MMP8: variants seen among roughly 807,000 people sequenced by gnomAD.
MMP8 encodes the protein matrix metallopeptidase 8.
A neutral mutation model predicts 51.2 loss-of-function variants in MMP8; 67 were observed. The ratio of observed to expected loss-of-function variants is 1.31; its 90% CI spans 1.08 to 1.60. The LOEUF is 1.60. Among genes scored for constraint, MMP8 ranks in the 40% most tolerant of loss-of-function variants. The pLI, the probability that MMP8 is intolerant of heterozygous loss-of-function variation, is 0.00. For synonymous variants in MMP8, 225 were observed against 191.0 expected, an observed-to-expected ratio of 1.18 and a Z score of -1.47; for missense variants, 654 against 558.1, an observed-to-expected ratio of 1.17 and a Z score of -1.73.
chr11:102,713,232 T>A lies in MMP8; in HGVS notation c.*116A>T, dbSNP rs1861176653. 2.9e-6 allele frequency: 2 copies of A among 695,156 alleles called. No homozygotes were observed. The highest frequency in any genetic ancestry group is 1.7e-5 in the South Asian group (1 of 57,632). The allele number at this position is 695,156 out of a possible 1,614,324, so 43.1% of individuals were successfully genotyped here. ...AGGACAGGTAGAATGGATACAGTGA[T>A]GGGAAACAATGACTTAATATTGAGA... is the stretch of plus-strand genomic sequence containing the variant. On this transcript the variant is annotated 3_prime_UTR_variant, in exon 10 of 10. Transcript: ENST00000236826.
intron 8 of MMP8, 91 bp downstream of exon 8, chr11:102,714,465 A>G (rs909964669): frequency 1.2e-6 from 1 of 833,284 alleles, no homozygotes; most frequent in Non-Finnish European, 1.7e-6. Flanking sequence ...GACTATCTAG[A>G]TTGTTTTAAA....
Position 102,721,392 on chromosome 11 carries a change from T to C in MMP8, c.622+9A>G. 1 of 1,613,518 alleles carries C rather than the reference T, an allele frequency of 6.2e-7. No individual in the cohort carries two copies. The highest frequency in any genetic ancestry group is 8.5e-7 in the Non-Finnish European group (1 of 1,179,646). ...AAGCTGTGTGTGGACATAATCTTGATTAACTTACTTGCGGAGGTGTTGGTC... is the reference window on the plus strand; with the variant it reads ...AAGCTGTGTGTGGACATAATCTTGACTAACTTACTTGCGGAGGTGTTGGTC... On this transcript the variant is annotated intron_variant, in intron 4 of 9. Coordinates refer to ENST00000236826, the MANE Select transcript of MMP8 (RefSeq NM_002424.3).
chr11:102,723,145 C>T, intron 1 of MMP8: 1 of 813,334 alleles, frequency 1.2e-6, no homozygotes, highest in Non-Finnish European at 1.8e-6. Context: ...TTTTAACTCA[C>T]CATGTTGCCT....
intron 2 of MMP8, 82 bp downstream of exon 2, chr11:102,722,347 T>C: frequency 7.1e-7 from 1 of 1,417,188 alleles, no homozygotes; most frequent in East Asian, 2.4e-5. Flanking sequence ...GTTCCTAGTG[T>C]ATCCCAAGAA....
At chr11:102,721,018 T>A (rs188443753) in intron 4 of MMP8, among the ~76,000 whole-genome samples, 1 of 152,322 alleles carries the variant, frequency 6.6e-6, no homozygotes, top group Non-Finnish European at 1.5e-5. Context: ...GTAAGCCAAA[T>A]GATCCATGTT....
Position 102,713,783 on chromosome 11 carries a change from C to T in MMP8, c.1265G>A (p.Ser422Asn), listed in dbSNP as rs1861198455. The T allele has an allele frequency of 6.2e-7, 1 of 1,610,140 alleles. No individual in the cohort carries two copies. Among genetic ancestry groups the T allele is most frequent in the East Asian group, 2.2e-5 (1 of 44,814 alleles). ...SISGAFPGIE[S>N]KVDAVFQQEH... ...TTGCTGGAAAACTGCATCAACTTTA[C>T]TCTCTATTCCTGGAAAGGCACCTGA... The change falls in exon 9 of 10, where the codon AGT becomes AAT. Residue 422 changes from serine to asparagine, a missense_variant. By Grantham distance (46) the Ser-to-Asn change is conservative (BLOSUM62 1). Coordinates refer to ENST00000236826, the MANE Select transcript of MMP8 (RefSeq NM_002424.3).
At position 102,711,998 on chromosome 11, in the gene MMP8, A is replaced by C. The variant is rs1210178832; in HGVS notation, c.*1350T>G. ...CTATATTATATTCTAATAACAGCAA[A>C]TATAACATTATAATGATTTTGATAT... On this transcript the variant is annotated 3_prime_UTR_variant, in exon 10 of 10. Transcript: ENST00000236826. 6.6e-6 allele frequency: 1 copy of C among 152,200 alleles called. No individual in the cohort carries two copies. Among genetic ancestry groups the C allele is most frequent in the Non-Finnish European group, 1.5e-5 (1 of 68,040 alleles). 9.4% of individuals were successfully genotyped at this position (152,200 alleles called of 1,614,324 possible).
At chr11:102,718,157 G>C (rs1316890277) in intron 5 of MMP8, among the ~76,000 whole-genome samples, 2 of 151,600 alleles carry the variant, frequency 1.3e-5, no homozygotes, top group African/African-American at 4.9e-5. Flanking sequence ...TAAAAAAGAA[G>C]AAAAAAATCC....
At position 102,721,612 on chromosome 11, in the gene MMP8, AC is replaced by A. The variant is rs1565440980; in HGVS notation, c.496+1del. On this transcript the variant is annotated splice_donor_variant, in intron 3 of 9. Transcript: ENST00000236826. LOFTEE classifies it high-confidence loss of function. ...AACTGAGCATGACTGCTTTGTACCT[AC>A]CTCTTTGGTAAAAAGCAATGTTGAT... 6.2e-7 allele frequency: 1 copy of A among 1,613,672 alleles called. No homozygotes were observed. The highest frequency in any genetic ancestry group is 8.5e-7 in the Non-Finnish European group (1 of 1,179,778).
rs1861376780 is a variant in MMP8, at chr11:102,718,578, GA to G, written c.623-4del. On this transcript the variant is annotated splice_region_variant and splice_polypyrimidine_tract_variant and intron_variant, in intron 4 of 9. Transcript: ENST00000236826. ...AGCAACAAGAAACAAGTTGTAATCT[GA>G]AATGCAAACACGGGTGGTAAACAGC... is the stretch of plus-strand genomic sequence containing the variant. 23 of 1,613,720 alleles carry G rather than the reference GA, an allele frequency of 1.4e-5. No homozygotes were observed. Among genetic ancestry groups the G allele is most frequent in the Non-Finnish European group, 1.9e-5 (23 of 1,179,822 alleles).
Position 102,724,921 on chromosome 11 carries a change from G to C in MMP8, c.-66C>G, listed in dbSNP as rs927252581. 2.6e-6 allele frequency: 4 copies of C among 1,541,116 alleles called. No homozygotes were observed. Among genetic ancestry groups the C allele is most frequent in the Admixed American group, 3.8e-5 (2 of 52,822 alleles). ...GTCCCTCTGGGTAGGGCCCTTCCCTGGCGAGCACCCTGACGTTCACAGCAT... is the reference window on the plus strand; with the variant it reads ...GTCCCTCTGGGTAGGGCCCTTCCCTCGCGAGCACCCTGACGTTCACAGCAT... On this transcript the variant is annotated 5_prime_UTR_variant, in exon 1 of 10. Transcript: ENST00000236826.
chr11:102,721,130 G>A (rs1428008572), intron 4 of MMP8, among the ~76,000 whole-genome samples: 2 of 152,076 alleles, frequency 1.3e-5, no homozygotes, highest in South Asian at 4.1e-4. Context: ...ATACAGACAG[G>A]GGTCAGGCAG....
intron 1 of MMP8, 72 bp downstream of exon 1, chr11:102,724,682 C>T (rs11225394): frequency 0.24 from 320,322 of 1,314,524 alleles, 42,030 homozygotes; most frequent in Non-Finnish European, 0.27. Flanking sequence ...TTTTAATTAA[C>T]AAGAGAAAAC....
chr11:102,721,304 TTA>T, intron 4 of MMP8, 95 bp downstream of exon 4: 1 of 1,460,018 alleles, frequency 6.8e-7, no homozygotes, highest in Non-Finnish European at 9.1e-7. Flanking sequence ...GTTTGAAATA[TTA>T]TGTTACCTTT....
chr11:102,717,715 T>C (rs1861340276), intron 5 of MMP8, among the ~76,000 whole-genome samples: 1 of 152,210 alleles, frequency 6.6e-6, no homozygotes, highest in South Asian at 2.1e-4. Context: ...GCATGATTTG[T>C]ACATGTCCCC....
intron 6 of MMP8, 119 bp downstream of exon 6, chr11:102,716,183 G>A (rs113544809): frequency 8.4e-5 from 59 of 700,764 alleles, no homozygotes; most frequent in Non-Finnish European, 1.0e-4. Flanking sequence ...AAAAAATTCC[G>A]ATGAGAAGCA....
Position 102,718,315 on chromosome 11 carries a change from A to C in MMP8, c.784+99T>G. ...GGAAATTCAGAGTTCAGTTTTATGG[A>C]AACTGCAGAAGTGCAAAGGAAGAGA... On this transcript the variant is annotated intron_variant, in intron 5 of 9. Coordinates refer to ENST00000236826, the MANE Select transcript of MMP8 (RefSeq NM_002424.3). 4 of 1,269,988 alleles carry C rather than the reference A, an allele frequency of 3.1e-6. No homozygotes were observed. The South Asian group carries it at 5.8e-5, about 18-fold the overall frequency. 78.7% of individuals were successfully genotyped at this position (1,269,988 alleles called of 1,614,324 possible). A position where few individuals can be genotyped will look rare whatever the true frequency, so the allele number is the denominator to read the frequency against.
chr11:102,716,466 AAGTCCGGTGTGACTCT>A, intron 5 of MMP8, 47 bp from the exon 6 acceptor site: 1 of 1,251,120 alleles, frequency 8.0e-7, no homozygotes, highest in Non-Finnish European at 1.1e-6. Flanking sequence ...TTATGAGAGT[AAGTCCGGTGTGACTCT>A]TGGGTACATC....
At chr11:102,713,615 C>G in intron 9 of MMP8, 139 bp downstream of exon 9, 1 of 1,012,964 alleles carries the variant, frequency 9.9e-7, no homozygotes, top group Non-Finnish European at 1.5e-6. Context: ...CCTGTAATCC[C>G]AGAACTCTGG....
Sources: gnomAD v4.1 joint callset for allele counts (sites outside exome capture counted in the v4.1 genomes callset) on GRCh38, gnomAD v4.1.1 for gene constraint, MANE v1.5 for transcripts, NCBI Gene and HGNC (gene_info 2026-07-23, HGNC 2026-07-21) for gene names.